CASKIN2: variants seen among roughly 807,000 people sequenced by gnomAD.
CASKIN2 encodes the protein CASK interacting protein 2, also known as caskin-2.
In CASKIN2, 41 loss-of-function variants were observed where a neutral mutation model predicts 107.1. The observed-to-expected ratio is 0.38, with a 90% CI of 0.30 to 0.50. The LOEUF is 0.50. Ranked by LOEUF, CASKIN2 falls within the 20% of genes least tolerant of loss-of-function variation. The pLI, the probability that CASKIN2 is intolerant of heterozygous loss-of-function variation, is 0.92. For missense variants in CASKIN2, 1,546 were observed against 1,657.4 expected (o/e 0.93, Z 1.17); for synonymous variants, 724 against 705.6 (o/e 1.03, Z -0.41).
Position 75,502,187 on chromosome 17 carries a change from G to A in CASKIN2, c.2887C>T (p.Arg963Cys), listed in dbSNP as rs374667786. The A allele has an allele frequency of 3.1e-6, 5 of 1,599,918 alleles. No homozygotes were observed. Among genetic ancestry groups the A allele is most frequent in the Admixed American group, 1.7e-5 (1 of 59,914 alleles). ...GGCGGGGGGCCAGCGGGCTTCGGGC[G>A]CTGTTTGATGGTCAGGTTCCCTTCC... ...AEEGNLTIKQ[R>C]PKPAGPPPRE... The change falls in exon 18 of 20, where the codon CGC becomes TGC. Residue 963 changes from arginine (R) to cysteine (C), a missense_variant. This residue lies in a region of CASKIN2 where 1,311 missense variants were observed against 1,311.0 expected (regional missense o/e 1.00). Transcript: ENST00000321617. This position sits in a 1 kb window ranked among gnomAD's most constrained non-coding sequence, Gnocchi z 4.3.
rs1174032677 is a variant in CASKIN2 at position 75,506,858 on chromosome 17, G to C, written c.427C>G (p.Leu143Val). The C allele has an allele frequency of 2.5e-6, 4 of 1,612,786 alleles. No individual in the cohort carries two copies. The stretch of plus-strand genomic sequence containing the variant: ...GGCGTCTTCTTGGCCTTGTTGACCA[G>C]GCATGGGTTGGACTGATGCTGGAGG... Reference protein sequence around the residue: ...MLLQHQSNPCLVNKAKKTPLD... With the variant: ...MLLQHQSNPCVVNKAKKTPLD... Residue 143 changes from leucine (L) to valine (V), a missense_variant, in exon 6 of 20, where the codon CTG becomes GTG. Physicochemically the swap from Leu to Val is conservative, Grantham distance 32 (BLOSUM62 1). Coordinates refer to ENST00000321617, the MANE Select transcript of CASKIN2 (RefSeq NM_020753.5). The surrounding 1 kb of genome is among the most constrained non-coding windows in gnomAD (Gnocchi z 4.8).
At chr17:75,508,054 C>T (rs537443314) in intron 3 of CASKIN2, among the ~76,000 whole-genome samples, 180 bp downstream of exon 3, 20 of 152,234 alleles carry the variant, frequency 1.3e-4, no homozygotes, top group Non-Finnish European at 1.9e-4. Flanking sequence ...CACGGGCGGG[C>T]GGGTGCCCCC....
intron 17 of CASKIN2, 49 bp downstream of exon 17, chr17:75,503,340 G>C: frequency 6.3e-7 from 1 of 1,588,636 alleles, no homozygotes; most frequent in Non-Finnish European, 8.6e-7. Context: ...TTCTCTTGGA[G>C]ACCCCGGAGG....
At chr17:75,512,393 TG>T (rs997354114) in intron 2 of CASKIN2, among the ~76,000 whole-genome samples, 1 of 152,008 alleles carries the variant, frequency 6.6e-6, no homozygotes, top group Non-Finnish European at 1.5e-5. Context: ...ATTCTCCCTG[TG>T]GGGGGTCGCA....
Position 75,501,487 on chromosome 17 carries a change from C to T in CASKIN2, c.3499G>A (p.Gly1167Ser). 1.9e-6 allele frequency: 3 copies of T among 1,611,114 alleles called. 1 individual carries two copies. In the East Asian group the frequency reaches 6.7e-5, roughly 36 times the overall value. ...AALRAAEKSI[G>S]TKEQEGTPSA... is the part of the protein sequence containing the mutation. ...CCTCACCCCTCTTGCTCCTTGGTGCCAATGCTCTTCTCTGCGGCTCTCAGT... is the reference window on the plus strand; with the variant it reads ...CCTCACCCCTCTTGCTCCTTGGTGCTAATGCTCTTCTCTGCGGCTCTCAGT... Residue 1167 changes from glycine to serine, a missense_variant, in exon 19 of 20, where the codon GGC becomes AGC. Coordinates refer to ENST00000321617, the MANE Select transcript of CASKIN2 (RefSeq NM_020753.5).
In CASKIN2 at chr17:75,505,939, C is replaced by T. The variant is rs917615097; in HGVS notation, c.727-10G>A. 6.2e-7 allele frequency: 1 copy of T among 1,611,760 alleles called. No homozygotes were observed. Among genetic ancestry groups the T allele is most frequent in the Non-Finnish European group, 8.5e-7 (1 of 1,178,674 alleles). On this transcript the variant is annotated splice_polypyrimidine_tract_variant and intron_variant, in intron 8 of 19. Coordinates refer to ENST00000321617, the MANE Select transcript of CASKIN2 (RefSeq NM_020753.5). This position sits in a 1 kb window ranked among gnomAD's most constrained non-coding sequence, Gnocchi z 5.1. ...TCACGTCCACACCTCCCTGGGTGCACAGTGTCACATGAGCACACGCTAAGC... is the reference window on the plus strand; with the variant it reads ...TCACGTCCACACCTCCCTGGGTGCATAGTGTCACATGAGCACACGCTAAGC...
intron 2 of CASKIN2, 127 bp from the exon 3 acceptor site, chr17:75,508,412 GCCTGT>G: frequency 9.8e-7 from 1 of 1,019,140 alleles, no homozygotes; most frequent in South Asian, 1.5e-5. Flanking sequence ...ATGGCCTTCC[GCCTGT>G]CCCGTCCCTG....
At position 75,506,600 on chromosome 17, in the gene CASKIN2, G is replaced by A; in HGVS notation, c.600C>T (p.Gly200=). Residue 200 remains glycine (G), a synonymous_variant, in exon 7 of 20, where the codon GGC becomes GGT. Transcript: ENST00000321617. The surrounding 1 kb of genome is among the most constrained non-coding windows in gnomAD (Gnocchi z 4.8). ...AAGGGTACCTGATGACTTCTCTGTG[G>A]CCATTCTTGGCAGCCAAGTGCAGGG... ...TTPLHLAAKN[G]HREVIRQLLR... is the part of the protein sequence containing the mutation. The A allele has an allele frequency of 6.2e-7, 1 of 1,613,266 alleles. No homozygotes were observed. Among genetic ancestry groups the A allele is most frequent in the Middle Eastern group, 1.7e-4 (1 of 6,058 alleles).
rs1188080571 is a variant in CASKIN2 at position 75,503,651 on chromosome 17, T to C, written c.1680+8A>G. 1 of 1,610,992 alleles carries C rather than the reference T, an allele frequency of 6.2e-7. No homozygotes were observed. The highest frequency in any genetic ancestry group is 1.3e-5 in the African/African-American group (1 of 74,946). ...TGCCCCACTCCCCAGCCACCCTTGA[T>C]GGCTCACTGGGATGTAGCTGGGCAG... On this transcript the variant is annotated splice_region_variant and intron_variant, in intron 16 of 19. Coordinates refer to ENST00000321617, the MANE Select transcript of CASKIN2 (RefSeq NM_020753.5).
Position 75,504,989 on chromosome 17 carries a change from G to A in CASKIN2, c.1015C>T (p.Pro339Ser), listed in dbSNP as rs2053249619. 3.7e-6 allele frequency: 6 copies of A among 1,612,412 alleles called. No individual in the cohort carries two copies. Among genetic ancestry groups the A allele is most frequent in the Non-Finnish European group, 5.1e-6 (6 of 1,179,804 alleles). Residue 339 changes from proline to serine, a missense_variant, in exon 11 of 20, where the codon CCG becomes TCG. Pro to Ser is a moderately conservative substitution (Grantham distance 74, BLOSUM62 -1). This residue lies in a region of CASKIN2 where 1,311 missense variants were observed against 1,311.0 expected (regional missense o/e 1.00). Transcript: ENST00000321617. ...TTGCTGACCACCTCGACAATGCCCGGGGGGAAGTAGCCTATGCGGTCTGTG... is the reference window on the plus strand; with the variant it reads ...TTGCTGACCACCTCGACAATGCCCGAGGGGAAGTAGCCTATGCGGTCTGTG... Reference protein sequence around the residue: ...RGTDRIGYFPPGIVEVVSKRV... With the variant: ...RGTDRIGYFPSGIVEVVSKRV...
chr17:75,506,255 A>T lies in CASKIN2; in HGVS notation c.726+50T>A. Reference sequence around the variant, plus strand: ...TACCTCCCCAGCCAGTCAGGGGCACAGGGCAGAGGCTCCATGGACACCTGC... The same window carrying T: ...TACCTCCCCAGCCAGTCAGGGGCACTGGGCAGAGGCTCCATGGACACCTGC... On this transcript the variant is annotated intron_variant, in intron 8 of 19. Coordinates refer to ENST00000321617, the MANE Select transcript of CASKIN2 (RefSeq NM_020753.5). The surrounding 1 kb of genome is among the most constrained non-coding windows in gnomAD (Gnocchi z 4.8). The T allele has an allele frequency of 6.7e-7, 1 of 1,493,166 alleles. No individual in the cohort carries two copies. 92.5% of individuals were successfully genotyped at this position (1,493,166 alleles called of 1,614,324 possible).
Position 75,506,399 on chromosome 17 carries a change from GC to G in CASKIN2, c.631del (p.Ala211LeufsTer37). ...HREVIRQLLR[A>X]GIEINRQTKT... ...GGTCTGGCGGTTGATCTCGATCCCAGCTCTCAGGAGCTGCCTGCAGTGGACG... is the reference window on the plus strand; with the variant it reads ...GGTCTGGCGGTTGATCTCGATCCCAGTCTCAGGAGCTGCCTGCAGTGGACG... On this transcript the variant is annotated frameshift_variant, in exon 8 of 20. Coordinates refer to ENST00000321617, the MANE Select transcript of CASKIN2 (RefSeq NM_020753.5). LOFTEE classifies it high-confidence loss of function. This position sits in a 1 kb window ranked among gnomAD's most constrained non-coding sequence, Gnocchi z 4.8. 6.2e-7 allele frequency: 1 copy of G among 1,610,026 alleles called. No homozygotes were observed. Among genetic ancestry groups the G allele is most frequent in the Non-Finnish European group, 8.5e-7 (1 of 1,179,868 alleles).
At position 75,500,885 on chromosome 17, in the gene CASKIN2, A is replaced by T. The variant is rs1403553700; in HGVS notation, c.*195T>A. The T allele has an allele frequency of 5.2e-6, 3 of 581,340 alleles. No individual in the cohort carries two copies. The South Asian group carries it at 5.9e-5, about 11-fold the overall frequency. The allele number at this position is 581,340 out of a possible 1,614,324, so 36.0% of individuals were successfully genotyped here. A position where few individuals can be genotyped will look rare whatever the true frequency, so the allele number is the denominator to read the frequency against. On this transcript the variant is annotated 3_prime_UTR_variant, in exon 20 of 20. Coordinates refer to ENST00000321617, the MANE Select transcript of CASKIN2 (RefSeq NM_020753.5). ...TGAGATGCAGCGGAGGTCCCTCGCT[A>T]GTCAGGTTCTAAGGTGGGCTGCCCC...
rs755722677 is a variant in CASKIN2 at position 75,513,702 on chromosome 17, G to A, written c.94+9C>T. ...CCTCAGCGGGATGCTCGTCCCACCC[G>A]GTACTCACTTGTCTTTGTGGCCTTG... On this transcript the variant is annotated intron_variant, in intron 2 of 19. Transcript: ENST00000321617. The A allele has an allele frequency of 5.9e-5, 83 of 1,411,872 alleles. 1 individual carries two copies. The East Asian group carries it at 1.1e-3, about 18-fold the overall frequency. The allele number at this position is 1,411,872 out of a possible 1,614,324, so 87.5% of individuals were successfully genotyped here. A position where few individuals can be genotyped will look rare whatever the true frequency, so the allele number is the denominator to read the frequency against.
rs539600866 is a variant in CASKIN2, at chr17:75,500,937, G to T, written c.*143C>A. On this transcript the variant is annotated 3_prime_UTR_variant, in exon 20 of 20. Transcript: ENST00000321617. Reference sequence around the variant, plus strand: ...CAAGAGCTGTGGTGCCCACAGCCGCGGGCTGAGTGGGAAGGGGCCCTGCTA... The same window carrying T: ...CAAGAGCTGTGGTGCCCACAGCCGCTGGCTGAGTGGGAAGGGGCCCTGCTA... 2 of 746,980 alleles carry T rather than the reference G, an allele frequency of 2.7e-6. No individual in the cohort carries two copies. Among genetic ancestry groups the T allele is most frequent in the Non-Finnish European group, 4.4e-6 (2 of 451,340 alleles). 46.3% of individuals were successfully genotyped at this position (746,980 alleles called of 1,614,324 possible). A position where few individuals can be genotyped will look rare whatever the true frequency, so the allele number is the denominator to read the frequency against.
Position 75,502,514 on chromosome 17 carries a change from G to GAGTCCCCCGAGC in CASKIN2, c.2548_2559dup (p.Ala850_Thr853dup). On this transcript the variant is annotated inframe_insertion, in exon 18 of 20. Coordinates refer to ENST00000321617, the MANE Select transcript of CASKIN2 (RefSeq NM_020753.5). This position sits in a 1 kb window ranked among gnomAD's most constrained non-coding sequence, Gnocchi z 4.3. ...CGCAGGGCAAAGGACTGGCTGCGAG[G>GAGTCCCCCGAGC]AGTCCCCCGAGCTGGGGTTGGGGTC... 1 of 1,474,528 alleles carries GAGTCCCCCGAGC rather than the reference G, an allele frequency of 6.8e-7. No individual in the cohort carries two copies. Among genetic ancestry groups the GAGTCCCCCGAGC allele is most frequent in the Non-Finnish European group, 9.0e-7 (1 of 1,107,992 alleles). 91.3% of individuals were successfully genotyped at this position (1,474,528 alleles called of 1,614,324 possible).
At chr17:75,501,749 A>G (rs1467245736) in intron 18 of CASKIN2, 30 bp downstream of exon 18, 1 of 1,529,878 alleles carries the variant, frequency 6.5e-7, no homozygotes. Flanking sequence ...CCCTGCCAGC[A>G]GTGACTCTCC....
In CASKIN2 at chr17:75,514,140, G is replaced by C. The variant is rs2053337144; in HGVS notation, c.-336C>G. 5.7e-6 allele frequency: 3 copies of C among 526,896 alleles called. No homozygotes were observed. Among genetic ancestry groups the C allele is most frequent in the Non-Finnish European group, 1.0e-5 (3 of 298,372 alleles). The allele number at this position is 526,896 out of a possible 1,614,324, so 32.6% of individuals were successfully genotyped here. On this transcript the variant is annotated 5_prime_UTR_variant, in exon 2 of 20. Transcript: ENST00000321617. The stretch of plus-strand genomic sequence containing the variant: ...TTCCCGGCTTGGCTGTGGAACACCA[G>C]TGCCCACCCAGAGAGCAGCCAGCAT...
Position 75,500,827 on chromosome 17 carries a change from G to A in CASKIN2, c.*253C>T. The A allele has an allele frequency of 2.0e-6, 1 of 494,274 alleles. No homozygotes were observed. The highest frequency in any genetic ancestry group is 3.7e-6 in the Non-Finnish European group (1 of 269,896). The allele number at this position is 494,274 out of a possible 1,614,324, so 30.6% of individuals were successfully genotyped here. On this transcript the variant is annotated 3_prime_UTR_variant, in exon 20 of 20. Transcript: ENST00000321617. ...CCCTGTCCAGGAGCAGGGCTGTCCT[G>A]CTCAATCGATCAAACCCTGGGAGGG...
Sources: gnomAD v4.1 joint callset for allele counts (sites outside exome capture counted in the v4.1 genomes callset) on GRCh38, gnomAD v4.1.1 for gene constraint, gnomAD v4.1.1 regional missense constraint, Gnocchi (gnomAD v3.1) non-coding constraint, MANE v1.5 for transcripts, NCBI Gene and HGNC (gene_info 2026-07-23, HGNC 2026-07-21) for gene names.